POU6F2: variants seen among roughly 807,000 people sequenced by gnomAD.
POU6F2 encodes POU class 6 homeobox 2.
Under a neutral mutation model 71.3 loss-of-function variants are expected in POU6F2, and 31 were observed. The observed-to-expected ratio is 0.43, with a 90% CI of 0.33 to 0.59. The LOEUF (loss-of-function observed/expected upper bound fraction) is 0.59. Ranked by LOEUF, POU6F2 falls within the 20% of genes least tolerant of loss-of-function variation. The pLI, the probability that POU6F2 is intolerant of heterozygous loss-of-function variation, is 0.04. For synonymous variants in POU6F2, 347 were observed against 355.7 expected (o/e 0.98, Z 0.27); for missense variants, 783 against 856.8 (o/e 0.91, Z 1.07).
chr7:39,309,768 T>C (rs1482223734), intron 4 of POU6F2, among the ~76,000 whole-genome samples: 2 of 152,206 alleles, frequency 1.3e-5, no homozygotes, highest in Non-Finnish European at 2.9e-5. Context: ...GAATGTGACT[T>C]ACATAAATGG....
intron 2 of POU6F2, among the ~76,000 whole-genome samples, chr7:39,150,868 G>A (rs955819182): frequency 2.0e-5 from 3 of 151,762 alleles, no homozygotes; most frequent in Non-Finnish European, 4.4e-5. Context: ...TATCCTTATG[G>A]GTATGAGATG....
At chr7:39,095,296 T>A (rs1369263707) in intron 2 of POU6F2, among the ~76,000 whole-genome samples, 1 of 152,178 alleles carries the variant, frequency 6.6e-6, no homozygotes, top group Non-Finnish European at 1.5e-5. Context: ...TTTGCTCTAG[T>A]TTGAATATTT....
At chr7:39,259,873 G>T (rs548701363) in intron 4 of POU6F2, among the ~76,000 whole-genome samples, 1 of 151,944 alleles carries the variant, frequency 6.6e-6, no homozygotes, top group South Asian at 2.1e-4. Flanking sequence ...CCAGGGTCTG[G>T]CTTCTAAGTG....
At chr7:39,386,117 CAAA>C (rs531818996) in intron 5 of POU6F2, among the ~76,000 whole-genome samples, 13 of 91,276 alleles carry the variant, frequency 1.4e-4, no homozygotes, top group Non-Finnish European at 2.3e-4. Flanking sequence ...GACTCCGTCT[CAAA>C]AAAAAAAAAA....
intron 5 of POU6F2, among the ~76,000 whole-genome samples, chr7:39,401,395 T>C (rs189195247): frequency 1.7e-3 from 264 of 152,312 alleles, no homozygotes; most frequent in Non-Finnish European, 3.0e-3. Context: ...GTTATGAGGG[T>C]GTTGTTATAA....
chr7:39,434,795 C>A (rs1398363490), intron 7 of POU6F2, among the ~76,000 whole-genome samples: 1 of 152,124 alleles, frequency 6.6e-6, no homozygotes, highest in African/African-American at 2.4e-5. Flanking sequence ...CATCCCACCC[C>A]CTAACAGGCC....
intron 1 of POU6F2, among the ~76,000 whole-genome samples, chr7:38,998,009 C>G (rs1444663149): frequency 6.6e-6 from 1 of 152,174 alleles, no homozygotes; most frequent in Non-Finnish European, 1.5e-5. Flanking sequence ...CCACTTTTGA[C>G]TGGTCTCTAA....
At chr7:39,414,318 A>G (rs1787622496) in intron 6 of POU6F2, among the ~76,000 whole-genome samples, 1 of 152,190 alleles carries the variant, frequency 6.6e-6, no homozygotes, top group South Asian at 2.1e-4. Flanking sequence ...ACGTTTGCAG[A>G]GATAAGGGAT....
chr7:39,165,537 A>C (rs1473763282), intron 2 of POU6F2, among the ~76,000 whole-genome samples: 3 of 152,216 alleles, frequency 2.0e-5, no homozygotes, highest in Non-Finnish European at 4.4e-5. Flanking sequence ...ATTAGGCTGA[A>C]GTTATATTAT....
chr7:39,116,705 C>A (rs1424931323), intron 2 of POU6F2, among the ~76,000 whole-genome samples: 1 of 152,048 alleles, frequency 6.6e-6, no homozygotes, highest in Non-Finnish European at 1.5e-5. Context: ...TTCTAATCTA[C>A]CAACCTTCTT....
intron 4 of POU6F2, among the ~76,000 whole-genome samples, chr7:39,273,157 T>C (rs1784370074): frequency 6.6e-6 from 1 of 151,630 alleles, no homozygotes. Context: ...TATAGAGATA[T>C]TCCACACCCT....
chr7:39,104,615 A>G (rs1252061758), intron 2 of POU6F2, among the ~76,000 whole-genome samples: 1 of 152,194 alleles, frequency 6.6e-6, no homozygotes, highest in Non-Finnish European at 1.5e-5. Context: ...TTTCTAACCT[A>G]GCCTTGGAAG....
chr7:39,462,946 T>C (rs917933602), intron 9 of POU6F2, among the ~76,000 whole-genome samples: 2 of 152,230 alleles, frequency 1.3e-5, no homozygotes, highest in African/African-American at 2.4e-5. Flanking sequence ...TCCTTTTCTG[T>C]CCTTTTGCAA....
At chr7:39,354,586 A>T (rs1254542221) in intron 5 of POU6F2, among the ~76,000 whole-genome samples, 1 of 152,212 alleles carries the variant, frequency 6.6e-6, no homozygotes, top group Non-Finnish European at 1.5e-5. Context: ...TGGACGGCGT[A>T]TAGTATTTTT....
At chr7:39,410,668 C>T (rs1162432690) in intron 6 of POU6F2, among the ~76,000 whole-genome samples, 1 of 152,096 alleles carries the variant, frequency 6.6e-6, no homozygotes, top group Non-Finnish European at 1.5e-5. Flanking sequence ...AATCTAAGCT[C>T]CTAGGTTATG....
intron 4 of POU6F2, among the ~76,000 whole-genome samples, chr7:39,286,074 A>G (rs747128728): frequency 6.6e-6 from 1 of 152,174 alleles, no homozygotes; most frequent in Admixed American, 6.5e-5. Flanking sequence ...CTACTTGTTG[A>G]CCAAACAGTT....
At chr7:39,185,915 G>GTATA (rs775283661) in intron 2 of POU6F2, among the ~76,000 whole-genome samples, 1 of 121,294 alleles carries the variant, frequency 8.2e-6, no homozygotes, top group Non-Finnish European at 1.9e-5. Flanking sequence ...ATATGTATAT[G>GTATA]TATATGTATA....
At chr7:39,395,631 GA>G (rs1253152750) in intron 5 of POU6F2, among the ~76,000 whole-genome samples, 1 of 152,208 alleles carries the variant, frequency 6.6e-6, no homozygotes, top group Admixed American at 6.5e-5. Context: ...TGGTTTATTA[GA>G]AAATATCTGA....
Position 39,204,261 on chromosome 7 carries a change from G to A in POU6F2, c.304G>A (p.Asp102Asn), listed in dbSNP as rs746595593. 2.5e-6 allele frequency: 4 copies of A among 1,613,754 alleles called. No homozygotes were observed. In the East Asian group the frequency reaches 8.9e-5, roughly 36 times the overall value. Residue 102 changes from aspartate (D) to asparagine (N), a missense_variant, in exon 3 of 10, where the codon GAC (aspartate) becomes AAC (asparagine). This residue lies in a region of POU6F2 where 572 missense variants were observed against 572.9 expected (regional missense o/e 1.00). Transcript: ENST00000518318. The stretch of plus-strand genomic sequence containing the variant: ...GGCTAGAGGAAACCCAGCATTATCA[G>A]ACCCAGGCACTCCTGACCAACACCA... ...FGARGNPALS[D>N]PGTPDQHQAS...
Sources: allele counts gnomAD v4.1 joint callset (sites outside exome capture counted in the v4.1 genomes callset), GRCh38; gene constraint gnomAD v4.1.1; regional missense constraint gnomAD v4.1.1; transcripts MANE v1.5; gene names NCBI Gene and HGNC (gene_info 2026-07-23, HGNC 2026-07-21).